SH3D19: variants seen among roughly 807,000 people sequenced by gnomAD.
SH3D19 encodes the protein SH3 domain-containing protein 19.
Under a neutral mutation model 112.1 loss-of-function variants are expected in SH3D19, and 58 were observed. That is an observed-to-expected ratio of 0.52 (90% CI 0.42 to 0.64). SH3D19 has a LOEUF of 0.64. Among genes scored for constraint, SH3D19 ranks in the 30% least tolerant of loss-of-function variants. SH3D19 has a pLI of 0.00. For missense variants in SH3D19, 1,090 were observed against 1,263.4 expected (o/e 0.86, Z 2.08); for synonymous variants, 391 against 448.5 (o/e 0.87, Z 1.62).
chr4:151,305,515 C>T (rs1728834434), intron 1 of SH3D19, among the ~76,000 whole-genome samples: 1 of 152,154 alleles, frequency 6.6e-6, no homozygotes, highest in Admixed American at 6.5e-5. Context: ...GAACATTCTT[C>T]CCCAAAGATG....
chr4:151,286,450 C>T (rs1290630445), intron 1 of SH3D19, among the ~76,000 whole-genome samples: 1 of 151,114 alleles, frequency 6.6e-6, no homozygotes, highest in Non-Finnish European at 1.5e-5. Context: ...ATTTGTAACA[C>T]ACTACTATGA....
At chr4:151,134,559 T>C (rs1350982309) in intron 15 of SH3D19, among the ~76,000 whole-genome samples, 1 of 152,236 alleles carries the variant, frequency 6.6e-6, no homozygotes, top group African/African-American at 2.4e-5. Context: ...TTGAACCTTC[T>C]AAAAACTGGG....
intron 3 of SH3D19, among the ~76,000 whole-genome samples, chr4:151,180,906 G>GGC (rs1198181611): frequency 1.3e-4 from 20 of 148,676 alleles, no homozygotes; most frequent in African/African-American, 4.9e-4. Context: ...TGGGAGTACA[G>GGC]GTGCCTGCCA....
chr4:151,216,889 G>C (rs1408738713), intron 2 of SH3D19, among the ~76,000 whole-genome samples: 2 of 124,228 alleles, frequency 1.6e-5, no homozygotes, highest in South Asian at 4.9e-4. Context: ...GTGTGTGTGT[G>C]TGTGTGTGTG....
intron 2 of SH3D19, among the ~76,000 whole-genome samples, chr4:151,202,861 T>C (rs1764592983): frequency 6.6e-6 from 1 of 152,196 alleles, no homozygotes; most frequent in African/African-American, 2.4e-5. Context: ...TGTGATAAAG[T>C]TGGACATTTT....
At chr4:151,236,282 CG>C (rs1432772618) in intron 1 of SH3D19, among the ~76,000 whole-genome samples, 5 of 152,232 alleles carry the variant, frequency 3.3e-5, no homozygotes, top group Non-Finnish European at 7.3e-5. Flanking sequence ...TGCGGGCTGG[CG>C]GGGGTTCCAG....
chr4:151,194,733 G>A (rs1159555181), intron 2 of SH3D19, among the ~76,000 whole-genome samples: 1 of 72,288 alleles, frequency 1.4e-5, no homozygotes, highest in Non-Finnish European at 5.6e-5. Flanking sequence ...TGTCCTATTA[G>A]CTGATGATTT....
chr4:151,121,437 AAGT>A lies in SH3D19; in HGVS notation c.*651_*653del, dbSNP rs1747960547. On this transcript the variant is annotated 3_prime_UTR_variant, in exon 20 of 20. Coordinates refer to ENST00000604030, the MANE Select transcript of SH3D19 (RefSeq NM_001378122.1). ...AGGGATGGTTTTGGTTCTTTAGACT[AAGT>A]AAGATACATCCAATTTAGACCCCCT... is the stretch of plus-strand genomic sequence containing the variant. 2.4e-4 allele frequency: 1 copy of A among 4,224 alleles called. No homozygotes were observed. The highest frequency in any genetic ancestry group is 3.3e-4 in the African/African-American group (1 of 3,044). 0.3% of individuals were successfully genotyped at this position (4,224 alleles called of 1,614,324 possible). A position where few individuals can be genotyped will look rare whatever the true frequency, so the allele number is the denominator to read the frequency against.
intron 2 of SH3D19, among the ~76,000 whole-genome samples, chr4:151,201,127 A>C (rs1764335777): frequency 6.6e-6 from 1 of 152,264 alleles, no homozygotes; most frequent in Admixed American, 6.5e-5. Flanking sequence ...AAACAAAATA[A>C]ATTCACTGGT....
chr4:151,196,980 A>T (rs1763562508), intron 2 of SH3D19, among the ~76,000 whole-genome samples: 1 of 152,232 alleles, frequency 6.6e-6, no homozygotes, highest in Non-Finnish European at 1.5e-5. Context: ...ATAATAAAAA[A>T]ATCAAAAAAT....
At chr4:151,302,409 T>C (rs1362710705) in intron 1 of SH3D19, among the ~76,000 whole-genome samples, 12 of 152,202 alleles carry the variant, frequency 7.9e-5, no homozygotes, top group Non-Finnish European at 1.5e-5. Flanking sequence ...CCTCTTCAAG[T>C]CAAATTTTTC....
chr4:151,137,677 TC>T, intron 14 of SH3D19, 54 bp downstream of exon 14: 1 of 1,399,526 alleles, frequency 7.1e-7, no homozygotes, highest in South Asian at 1.7e-5. Flanking sequence ...AACCTACAAG[TC>T]ACATAGAACC....
rs114343875 is a variant in SH3D19 at position 151,138,840 on chromosome 4, G to T, written c.2296+935C>A. On this transcript the variant is annotated intron_variant, in intron 13 of 19. Coordinates refer to ENST00000604030, the MANE Select transcript of SH3D19 (RefSeq NM_001378122.1). ...ACTTTATTACAATTTTTTTGTTGTT[G>T]TTGTTTTTTGAGACGGGGTTTTGCT... 2.5e-3 allele frequency among the ~76,000 whole-genome samples: 375 copies of T among 152,148 alleles called. 1 individual carries two copies. The highest frequency in any genetic ancestry group is 8.7e-3 in the African/African-American group (363 of 41,530).
intron 2 of SH3D19, among the ~76,000 whole-genome samples, chr4:151,223,745 C>CG (rs1768485152): frequency 6.6e-6 from 1 of 151,976 alleles, no homozygotes; most frequent in African/African-American, 2.4e-5. Context: ...TTATCTTACT[C>CG]TTTTTTTTCA....
At chr4:151,271,518 A>G (rs1773224758) in intron 1 of SH3D19, among the ~76,000 whole-genome samples, 1 of 152,196 alleles carries the variant, frequency 6.6e-6, no homozygotes, top group African/African-American at 2.4e-5. Context: ...TAGGTGTAGT[A>G]GGTATTACTG....
chr4:151,167,307 A>C (rs1758207794), intron 7 of SH3D19, among the ~76,000 whole-genome samples: 2 of 151,852 alleles, frequency 1.3e-5, no homozygotes, highest in Admixed American at 1.3e-4. Flanking sequence ...AATATATAAC[A>C]AGTATAATAG....
intron 1 of SH3D19, among the ~76,000 whole-genome samples, chr4:151,265,241 T>G (rs1772683112): frequency 6.6e-6 from 1 of 152,100 alleles, no homozygotes; most frequent in South Asian, 2.1e-4. Context: ...CTTGTTAGAA[T>G]TTTTGCAGAT....
chr4:151,324,776 G>A (rs1730883223), intron 1 of SH3D19, among the ~76,000 whole-genome samples: 1 of 148,666 alleles, frequency 6.7e-6, no homozygotes, highest in African/African-American at 2.5e-5. Flanking sequence ...GCGGCTGGGG[G>A]AGGGAGGGAG....
At chr4:151,161,274 G>A (rs1481295772) in intron 8 of SH3D19, among the ~76,000 whole-genome samples, 1 of 152,088 alleles carries the variant, frequency 6.6e-6, no homozygotes. Context: ...GAAAGGAGCT[G>A]ACAGGTTCAA....
Sources: gnomAD v4.1 joint callset for allele counts (sites outside exome capture counted in the v4.1 genomes callset) on GRCh38, gnomAD v4.1.1 for gene constraint, MANE v1.5 for transcripts, NCBI Gene and HGNC (gene_info 2026-07-23, HGNC 2026-07-21) for gene names.